The following LRP1B variants were observed in gnomAD, a reference collection of about 807,000 sequenced individuals.
LRP1B encodes the protein low-density lipoprotein receptor-related protein 1B.
Under a neutral mutation model 556.6 loss-of-function variants are expected in LRP1B, and 217 were observed. The observed-to-expected ratio is 0.39, with a 90% CI of 0.35 to 0.44. The LOEUF is 0.44. Ranked by LOEUF, LRP1B falls within the 20% of genes least tolerant of loss-of-function variation. The pLI, the probability that LRP1B is intolerant of heterozygous loss-of-function variation, is 1.00. For missense variants in LRP1B, 5,053 were observed against 5,620.8 expected (o/e 0.90, Z 3.23); for synonymous variants, 2,047 against 1,865.8 (o/e 1.10, Z -2.50).
chr2:140,300,893 C>CCCCATTTCTT (rs1558782957), intron 83 of LRP1B, among the ~76,000 whole-genome samples: 13 of 152,120 alleles, frequency 8.5e-5, no homozygotes, highest in African/African-American at 3.1e-4. Context: ...TTATTATTAT[C>CCCCATTTCTT]GTTATTGTTA....
chr2:141,079,279 T>G (rs1699867558), intron 7 of LRP1B, among the ~76,000 whole-genome samples: 1 of 152,172 alleles, frequency 6.6e-6, no homozygotes, highest in Non-Finnish European at 1.5e-5. Context: ...CAAAACATTT[T>G]CTGTATCTAA....
At chr2:141,267,149 A>G (rs1684920279) in intron 3 of LRP1B, among the ~76,000 whole-genome samples, 1 of 152,194 alleles carries the variant, frequency 6.6e-6, no homozygotes, top group African/African-American at 2.4e-5. Flanking sequence ...TATAGTCACA[A>G]CCAAAGGAAT....
chr2:141,674,801 G>A (rs930657001), intron 2 of LRP1B, among the ~76,000 whole-genome samples: 6 of 151,954 alleles, frequency 3.9e-5, no homozygotes, highest in South Asian at 4.1e-4. Context: ...GCATTGCAAC[G>A]GGTAGATTTC....
At chr2:141,770,075 A>T (rs757608301) in intron 2 of LRP1B, among the ~76,000 whole-genome samples, 1 of 152,138 alleles carries the variant, frequency 6.6e-6, no homozygotes, top group Non-Finnish European at 1.5e-5. Flanking sequence ...CTAAAACATC[A>T]TACTGATTCA....
chr2:140,808,264 A>G (rs1690795295), intron 32 of LRP1B, among the ~76,000 whole-genome samples: 1 of 152,238 alleles, frequency 6.6e-6, no homozygotes, highest in Non-Finnish European at 1.5e-5. Context: ...TATTTGAGCC[A>G]TGACAATGTT....
chr2:141,879,225 A>G (rs1698874373), intron 1 of LRP1B, among the ~76,000 whole-genome samples: 2 of 151,896 alleles, frequency 1.3e-5, no homozygotes, highest in South Asian at 2.1e-4. Flanking sequence ...TTCATTAAAT[A>G]TTGATTTTTA....
At position 141,734,091 on chromosome 2, in the gene LRP1B, A is replaced by T. The variant is rs115288636; in HGVS notation, c.205+76188T>A. On this transcript the variant is annotated intron_variant, in intron 2 of 90. Coordinates refer to ENST00000389484, the MANE Select transcript of LRP1B (RefSeq NM_018557.3). ...AATAACTAAGGTGGTTGGCAATTAG[A>T]TCTTGAAATTAAAAAAAATTAACCT... is the stretch of plus-strand genomic sequence containing the variant. 9.4e-3 allele frequency among the ~76,000 whole-genome samples: 1,427 copies of T among 152,206 alleles called. 9 individuals are homozygous for T. The highest frequency in any genetic ancestry group is 0.013 in the Non-Finnish European group (892 of 67,984).
At chr2:141,200,371 C>A (rs1479178895) in intron 6 of LRP1B, among the ~76,000 whole-genome samples, 1 of 152,038 alleles carries the variant, frequency 6.6e-6, no homozygotes, top group Non-Finnish European at 1.5e-5. Context: ...GGGAACAATG[C>A]ACTGAGGCCT....
intron 1 of LRP1B, among the ~76,000 whole-genome samples, chr2:141,823,607 T>C (rs748965660): frequency 2.6e-5 from 4 of 152,116 alleles, no homozygotes; most frequent in Non-Finnish European, 5.9e-5. Flanking sequence ...AAGGGAAACA[T>C]GGCATGTTAA....
At chr2:141,999,163 G>T (rs1702586434) in intron 1 of LRP1B, among the ~76,000 whole-genome samples, 1 of 152,052 alleles carries the variant, frequency 6.6e-6, no homozygotes, top group Admixed American at 6.6e-5. Flanking sequence ...TCAGTCTTTA[G>T]ATCTCCGTTT....
intron 7 of LRP1B, among the ~76,000 whole-genome samples, chr2:141,156,820 A>C (rs1702079491): frequency 6.6e-6 from 1 of 152,158 alleles, no homozygotes; most frequent in Admixed American, 6.6e-5. Flanking sequence ...TTAAAAAGTC[A>C]AAGTCTGGAA....
chr2:140,403,326 T>G (rs1684589032), intron 66 of LRP1B, among the ~76,000 whole-genome samples: 2 of 152,154 alleles, frequency 1.3e-5, no homozygotes, highest in Non-Finnish European at 2.9e-5. Flanking sequence ...GGTTGTTTAT[T>G]AAGCTACCCA....
At chr2:140,455,267 G>A (rs564691407) in intron 62 of LRP1B, among the ~76,000 whole-genome samples, 1 of 152,082 alleles carries the variant, frequency 6.6e-6, no homozygotes, top group Non-Finnish European at 1.5e-5. Flanking sequence ...AATAAAAGCA[G>A]AGTCTGTGGC....
Position 140,428,546 on chromosome 2 carries a change from G to C in LRP1B, c.10414+13958C>G, listed in dbSNP as rs550371273. The stretch of plus-strand genomic sequence containing the variant: ...ACTCACCTGGCAGCCACTCCCAGAG[G>C]CCCTGGAACTCTGGCCCAAGGCTCT... On this transcript the variant is annotated intron_variant, in intron 66 of 90. Coordinates refer to ENST00000389484, the MANE Select transcript of LRP1B (RefSeq NM_018557.3). Among the ~76,000 whole-genome samples the C allele has an allele frequency of 2.0e-3, 302 of 152,208 alleles. 2 individuals are homozygous for C. Among genetic ancestry groups the C allele is most frequent in the African/African-American group, 6.8e-3 (284 of 41,528 alleles).
At chr2:141,060,277 T>A (rs914093997) in intron 8 of LRP1B, among the ~76,000 whole-genome samples, 1 of 151,710 alleles carries the variant, frequency 6.6e-6, no homozygotes, top group Admixed American at 6.6e-5. Flanking sequence ...AGGTCGGACA[T>A]AAAATATAAG....
intron 41 of LRP1B, among the ~76,000 whole-genome samples, chr2:140,611,697 G>C (rs1420691979): frequency 6.6e-6 from 1 of 151,934 alleles, no homozygotes; most frequent in Non-Finnish European, 1.5e-5. Context: ...AAGGTGTTAA[G>C]AATTTTATGT....
chr2:140,796,847 C>G (rs1690333698), intron 32 of LRP1B, among the ~76,000 whole-genome samples: 1 of 152,124 alleles, frequency 6.6e-6, no homozygotes, highest in South Asian at 2.1e-4. Context: ...CAATTAATCG[C>G]TAGATCTTTC....
intron 2 of LRP1B, among the ~76,000 whole-genome samples, chr2:141,645,574 T>C (rs1367271561): frequency 6.7e-6 from 1 of 149,832 alleles, no homozygotes; most frequent in Non-Finnish European, 1.5e-5. Context: ...AAGAATCTCA[T>C]ATTTAAAACA....
chr2:141,928,089 T>G (rs1361948535), intron 1 of LRP1B, among the ~76,000 whole-genome samples: 2 of 152,116 alleles, frequency 1.3e-5, no homozygotes, highest in Non-Finnish European at 2.9e-5. Context: ...CTCCCCAAAG[T>G]GTAGTGGGAC....
Sources: gnomAD v4.1 joint callset for allele counts (sites outside exome capture counted in the v4.1 genomes callset) on GRCh38, gnomAD v4.1.1 for gene constraint, MANE v1.5 for transcripts, NCBI Gene and HGNC (gene_info 2026-07-23, HGNC 2026-07-21) for gene names.